Variants in ACVR1C observed in about 807,000 individuals in gnomAD.
ACVR1C encodes the protein activin receptor type-1C.
In ACVR1C, 23 loss-of-function variants were observed where a neutral mutation model predicts 57.9. The ratio of observed to expected loss-of-function variants is 0.40; its 90% CI spans 0.29 to 0.56. The LOEUF (loss-of-function observed/expected upper bound fraction) is 0.56, where lower values mean the gene tolerates loss of function less well. Ranked by LOEUF, ACVR1C falls within the 20% of genes least tolerant of loss-of-function variation. The pLI is 0.50. For synonymous variants in ACVR1C, 214 were observed against 215.3 expected (o/e 0.99, Z 0.05); for missense variants, 480 against 607.9 (o/e 0.79, Z 2.21).
intron 2 of ACVR1C, among the ~76,000 whole-genome samples, chr2:157,578,282 A>G (rs763739826): frequency 6.6e-6 from 1 of 152,156 alleles, no homozygotes; most frequent in Admixed American, 6.5e-5. Context: ...CTTACATTCT[A>G]TTCTTTTAAA....
intron 1 of ACVR1C, among the ~76,000 whole-genome samples, chr2:157,615,567 G>C (rs1682627741): frequency 6.6e-6 from 1 of 151,936 alleles, no homozygotes; most frequent in Admixed American, 6.6e-5. Context: ...GTAAAGACAT[G>C]GTCTTGCTAT....
intron 2 of ACVR1C, among the ~76,000 whole-genome samples, chr2:157,562,531 G>A (rs1688266664): frequency 2.0e-5 from 3 of 149,534 alleles, no homozygotes; most frequent in African/African-American, 7.4e-5. Flanking sequence ...AAAAAGCCCA[G>A]GACCAGACGT....
chr2:157,612,359 C>T lies in ACVR1C; in HGVS notation c.73+16213G>A, dbSNP rs76883244. Among the ~76,000 whole-genome samples the T allele has an allele frequency of 2.9e-3, 442 of 151,884 alleles. 2 individuals are homozygous for T. Among genetic ancestry groups the T allele is most frequent in the African/African-American group, 9.7e-3 (400 of 41,390 alleles). On this transcript the variant is annotated intron_variant, in intron 1 of 8. Coordinates refer to ENST00000243349, the MANE Select transcript of ACVR1C (RefSeq NM_145259.3). ...CCAAACAGGCAGCCCACCCCAGCCT[C>T]TGGCAGCAGCAAGGGCAGCTGTGTT...
chr2:157,546,576 T>A (rs148673212), intron 4 of ACVR1C, among the ~76,000 whole-genome samples: 2 of 152,306 alleles, frequency 1.3e-5, no homozygotes, highest in East Asian at 3.9e-4. Flanking sequence ...GGGGTTACAA[T>A]CTTGACTCTA....
chr2:157,537,540 T>C (rs927745346), intron 8 of ACVR1C, among the ~76,000 whole-genome samples: 1 of 151,638 alleles, frequency 6.6e-6, no homozygotes, highest in African/African-American at 2.4e-5. Flanking sequence ...GAAAAAGGAT[T>C]GAGAAACATG....
chr2:157,588,504 G>A (rs1184970155), intron 1 of ACVR1C, among the ~76,000 whole-genome samples: 1 of 151,682 alleles, frequency 6.6e-6, no homozygotes, highest in Non-Finnish European at 1.5e-5. Flanking sequence ...ACTGTATAAT[G>A]GTGAAGTCTC....
intron 3 of ACVR1C, among the ~76,000 whole-genome samples, chr2:157,554,028 C>T (rs376176978): frequency 7.9e-5 from 12 of 151,130 alleles, no homozygotes; most frequent in African/African-American, 2.9e-4. Context: ...GCTAAAAATG[C>T]AAAAATTAGC....
In ACVR1C at chr2:157,587,155, A is replaced by G. The variant is rs747598271; in HGVS notation, c.304+32T>C. ...CTTATAGTTTCCCAAGAGTAAAATTAAATTCGGAATGAACAAAGATAAACC... is the reference window on the plus strand; with the variant it reads ...CTTATAGTTTCCCAAGAGTAAAATTGAATTCGGAATGAACAAAGATAAACC... On this transcript the variant is annotated intron_variant, in intron 2 of 8. Coordinates refer to ENST00000243349, the MANE Select transcript of ACVR1C (RefSeq NM_145259.3). 8 of 1,539,330 alleles carry G rather than the reference A, an allele frequency of 5.2e-6. No homozygotes were observed. In the South Asian group the frequency reaches 7.8e-5, roughly 15 times the overall value.
At chr2:157,588,284 A>T (rs1436879117) in intron 1 of ACVR1C, among the ~76,000 whole-genome samples, 1 of 151,404 alleles carries the variant, frequency 6.6e-6, no homozygotes, top group African/African-American at 2.4e-5. Context: ...TTCACCACTA[A>T]CTCACATGTC....
intron 4 of ACVR1C, among the ~76,000 whole-genome samples, chr2:157,547,493 T>C: frequency 4.0e-5 from 5 of 123,866 alleles, no homozygotes; most frequent in Non-Finnish European, 8.6e-5. Flanking sequence ...TTTCCTGACT[T>C]TTTAATGATT....
At chr2:157,554,422 A>G (rs1170559139) in intron 3 of ACVR1C, among the ~76,000 whole-genome samples, 1 of 151,066 alleles carries the variant, frequency 6.6e-6, no homozygotes, top group Non-Finnish European at 1.5e-5. Flanking sequence ...GGAAGGAGAC[A>G]AAGGAAGGAA....
intron 1 of ACVR1C, among the ~76,000 whole-genome samples, chr2:157,593,188 G>GGCT (rs1689083675): frequency 6.6e-6 from 1 of 152,044 alleles, no homozygotes; most frequent in Non-Finnish European, 1.5e-5. Flanking sequence ...TACATGTGAT[G>GGCT]GCTAGCACAC....
chr2:157,587,136 G>C, intron 2 of ACVR1C, 51 bp downstream of exon 2: 4 of 1,461,662 alleles, frequency 2.7e-6, no homozygotes, highest in Non-Finnish European at 3.8e-6. Flanking sequence ...CATTCTTATA[G>C]TTTCCCAAGA....
Position 157,628,702 on chromosome 2 carries a change from G to T in ACVR1C, c.-58C>A. On this transcript the variant is annotated 5_prime_UTR_variant, in exon 1 of 9. Transcript: ENST00000243349. ...CCCCAGAGCAGAGCGAGGCAGCCGG[G>T]GCAGCACGGCCCGCTTTGAAGTTCC... 7.1e-7 allele frequency: 1 copy of T among 1,410,762 alleles called. No individual in the cohort carries two copies. Among genetic ancestry groups the T allele is most frequent in the South Asian group, 1.5e-5 (1 of 68,708 alleles). 87.4% of individuals were successfully genotyped at this position (1,410,762 alleles called of 1,614,324 possible). A position where few individuals can be genotyped will look rare whatever the true frequency, so the allele number is the denominator to read the frequency against.
At chr2:157,612,710 C>T (rs1223184387) in intron 1 of ACVR1C, among the ~76,000 whole-genome samples, 1 of 152,212 alleles carries the variant, frequency 6.6e-6, no homozygotes, top group Non-Finnish European at 1.5e-5. Flanking sequence ...TGGTGTGCTG[C>T]ACAGTTCCTT....
intron 1 of ACVR1C, among the ~76,000 whole-genome samples, chr2:157,606,639 T>A (rs1682403976): frequency 6.6e-6 from 1 of 151,850 alleles, no homozygotes; most frequent in South Asian, 2.1e-4. Context: ...TCCCCATTTT[T>A]AATAGGATTG....
At chr2:157,627,705 G>A (rs1012517788) in intron 1 of ACVR1C, among the ~76,000 whole-genome samples, 3 of 152,218 alleles carry the variant, frequency 2.0e-5, no homozygotes, top group Admixed American at 1.3e-4. Context: ...TGTCTTCAAT[G>A]TCTGATAGAA....
chr2:157,556,015 C>T, intron 3 of ACVR1C, 78 bp downstream of exon 3: 1 of 1,474,762 alleles, frequency 6.8e-7, no homozygotes, highest in South Asian at 1.4e-5. Context: ...TATTTGGGCC[C>T]TTTTTGTTAA....
chr2:157,626,011 A>C (rs2105162786), intron 1 of ACVR1C, among the ~76,000 whole-genome samples: 1 of 152,268 alleles, frequency 6.6e-6, no homozygotes, highest in South Asian at 2.1e-4. Context: ...TGTGTCACCC[A>C]GGCTGGAGTG....
Sources: allele counts gnomAD v4.1 joint callset (sites outside exome capture counted in the v4.1 genomes callset), GRCh38; gene constraint gnomAD v4.1.1; transcripts MANE v1.5; gene names NCBI Gene and HGNC (gene_info 2026-07-23, HGNC 2026-07-21).